The following TADA2A variants were observed in gnomAD, a reference collection of about 807,000 sequenced individuals.
TADA2A encodes transcriptional adapter 2-alpha.
Under a neutral mutation model 67.4 loss-of-function variants are expected in TADA2A, and 38 were observed. That is an observed-to-expected ratio of 0.56 (90% CI 0.44 to 0.74). TADA2A has a LOEUF of 0.74. Ranked by LOEUF, TADA2A falls within the 30% of genes least tolerant of loss-of-function variation. The pLI is 0.00. For synonymous variants in TADA2A, 192 were observed against 181.6 expected, an observed-to-expected ratio of 1.06 and a Z score of -0.46; for missense variants, 454 against 547.0, an observed-to-expected ratio of 0.83 and a Z score of 1.70.
intron 11 of TADA2A, among the ~76,000 whole-genome samples, chr17:37,467,170 A>T (rs964362561): frequency 3.3e-5 from 5 of 152,072 alleles, no homozygotes; most frequent in Non-Finnish European, 5.9e-5. Context: ...GAAAAAAAAA[A>T]TTGTTACTTT....
intron 7 of TADA2A, among the ~76,000 whole-genome samples, 197 bp downstream of exon 7, chr17:37,442,849 A>G (rs994338067): frequency 6.6e-6 from 1 of 152,162 alleles, no homozygotes; most frequent in Non-Finnish European, 1.5e-5. Flanking sequence ...CATATGGAAC[A>G]GTAAAAATTC....
chr17:37,434,112 A>G (rs1201457881), intron 4 of TADA2A, among the ~76,000 whole-genome samples: 2 of 152,234 alleles, frequency 1.3e-5, no homozygotes, highest in East Asian at 3.8e-4. Flanking sequence ...TGTTTTCTCC[A>G]ATCTATGACA....
At chr17:37,415,124 C>T (rs1455630737) in intron 2 of TADA2A, among the ~76,000 whole-genome samples, 1 of 149,528 alleles carries the variant, frequency 6.7e-6, no homozygotes, top group Non-Finnish European at 1.5e-5. Flanking sequence ...TCAGGTGATC[C>T]ACCCGCCTTG....
At chr17:37,419,914 C>T (rs922939244) in intron 2 of TADA2A, among the ~76,000 whole-genome samples, 1 of 145,734 alleles carries the variant, frequency 6.9e-6, no homozygotes, top group African/African-American at 2.5e-5. Context: ...ACTCGGGAGG[C>T]TGAGGGAGAA....
intron 12 of TADA2A, 123 bp downstream of exon 12, chr17:37,467,648 A>C: frequency 1.3e-6 from 1 of 778,936 alleles, no homozygotes; most frequent in South Asian, 1.9e-5. Flanking sequence ...AGAATGCTTT[A>C]AACCTTTCCA....
At chr17:37,413,223 G>A (rs971399648) in intron 2 of TADA2A, among the ~76,000 whole-genome samples, 14 of 152,010 alleles carry the variant, frequency 9.2e-5, no homozygotes, top group African/African-American at 3.1e-4. Context: ...CACCGCTCCC[G>A]GCCTGACAGA....
rs1020173351 is a variant in TADA2A at position 37,473,127 on chromosome 17, ATTTTTT to A, written c.1073-1409_1073-1404del. 4.0e-4 allele frequency among the ~76,000 whole-genome samples: 34 copies of A among 85,696 alleles called. 1 individual carries two copies. Among genetic ancestry groups the A allele is most frequent in the Admixed American group, 3.2e-3 (20 of 6,168 alleles). 56.2% of individuals were successfully genotyped at this position (85,696 alleles called of 152,430 possible). ...GGTGAATGCCACCAAACCTGGAGAA[ATTTTTT>A]TTTTTTTTTTTTTTTTTTTGGTAGA... On this transcript the variant is annotated intron_variant, in intron 14 of 15. Transcript: ENST00000615182.
chr17:37,443,342 T>G (rs140562003), intron 7 of TADA2A, among the ~76,000 whole-genome samples: 328 of 151,860 alleles, frequency 2.2e-3, no homozygotes, highest in Non-Finnish European at 4.1e-3. Flanking sequence ...CAACCTCCAC[T>G]TCCTGGGTTC....
intron 4 of TADA2A, among the ~76,000 whole-genome samples, chr17:37,430,636 A>G (rs1351840368): frequency 1.3e-5 from 2 of 152,142 alleles, no homozygotes; most frequent in Non-Finnish European, 2.9e-5. Context: ...CTTCTTATAA[A>G]TGTAGATTTC....
intron 3 of TADA2A, among the ~76,000 whole-genome samples, chr17:37,425,914 C>G (rs2052391373): frequency 6.6e-6 from 1 of 151,258 alleles, no homozygotes; most frequent in African/African-American, 2.4e-5. Flanking sequence ...ACCTCAGCCT[C>G]CCAGAATGCT....
chr17:37,424,583 T>C (rs1474693273), intron 3 of TADA2A, among the ~76,000 whole-genome samples: 2 of 151,558 alleles, frequency 1.3e-5, no homozygotes, highest in Non-Finnish European at 2.9e-5. Context: ...GAGACGGGAG[T>C]TTCGCTATTG....
At chr17:37,442,712 C>G in intron 7 of TADA2A, 60 bp downstream of exon 7, 1 of 1,507,058 alleles carries the variant, frequency 6.6e-7, no homozygotes, top group Non-Finnish European at 9.2e-7. Context: ...TCTCATGAGC[C>G]TTCTGTCTCA....
intron 8 of TADA2A, among the ~76,000 whole-genome samples, chr17:37,445,040 A>G (rs1005956758): frequency 6.6e-6 from 1 of 152,166 alleles, no homozygotes; most frequent in African/African-American, 2.4e-5. Flanking sequence ...AATCTACACT[A>G]AGGTAATTGG....
chr17:37,411,418 T>G (rs771901900), intron 2 of TADA2A, 28 bp downstream of exon 2: 1 of 1,606,218 alleles, frequency 6.2e-7, no homozygotes, highest in South Asian at 1.1e-5. Flanking sequence ...AAGTCTCAGG[T>G]GACTTATTAT....
intron 12 of TADA2A, among the ~76,000 whole-genome samples, chr17:37,470,116 A>T (rs1212580397): frequency 1.3e-5 from 2 of 152,228 alleles, no homozygotes; most frequent in African/African-American, 4.8e-5. Flanking sequence ...GAGTGGAAAT[A>T]TGAGCAATTC....
At chr17:37,455,365 TTTG>T (rs557710576) in intron 8 of TADA2A, among the ~76,000 whole-genome samples, 8 of 76,046 alleles carry the variant, frequency 1.1e-4, no homozygotes, top group Admixed American at 6.0e-4. Context: ...AGTTTGTTTT[TTTG>T]TTTGTTTGTT....
At chr17:37,471,459 C>T (rs972586961) in intron 14 of TADA2A, among the ~76,000 whole-genome samples, 2 of 151,936 alleles carry the variant, frequency 1.3e-5, no homozygotes, top group South Asian at 4.2e-4. Flanking sequence ...AATTTTGAGA[C>T]TTATTTCACA....
intron 6 of TADA2A, among the ~76,000 whole-genome samples, chr17:37,441,511 T>C (rs913650650): frequency 1.3e-5 from 2 of 152,184 alleles, no homozygotes; most frequent in African/African-American, 2.4e-5. Context: ...TAATAAAATA[T>C]AACCAAAAAC....
intron 15 of TADA2A, among the ~76,000 whole-genome samples, chr17:37,476,008 C>G (rs1016303332): frequency 6.6e-6 from 1 of 152,110 alleles, no homozygotes; most frequent in African/African-American, 2.4e-5. Flanking sequence ...ATCATTAGTT[C>G]AGTTCAGATA....
Sources: gnomAD v4.1 joint callset for allele counts (sites outside exome capture counted in the v4.1 genomes callset) on GRCh38, gnomAD v4.1.1 for gene constraint, MANE v1.5 for transcripts, NCBI Gene and HGNC (gene_info 2026-07-23, HGNC 2026-07-21) for gene names.